Variants in DENND1B observed in about 807,000 individuals in gnomAD.
The protein encoded by DENND1B is DENN domain-containing protein 1B.
A neutral mutation model predicts 90.1 loss-of-function variants in DENND1B; 59 were observed. The ratio of observed to expected loss-of-function variants is 0.65; its 90% CI spans 0.53 to 0.81. The LOEUF (loss-of-function observed/expected upper bound fraction) is 0.81. Ranked by LOEUF, DENND1B falls within the 40% of genes least tolerant of loss-of-function variation. The pLI is 0.00. For synonymous variants in DENND1B, 337 were observed against 324.6 expected (o/e 1.04, Z -0.41); for missense variants, 862 against 912.6 (o/e 0.94, Z 0.71).
intron 5 of DENND1B, among the ~76,000 whole-genome samples, chr1:197,669,473 T>C (rs1454327046): frequency 1.3e-5 from 2 of 152,158 alleles, no homozygotes; most frequent in African/African-American, 4.8e-5. Flanking sequence ...TCTATAATTT[T>C]CCAATTTTCT....
chr1:197,688,606 G>C (rs1430733293), intron 3 of DENND1B, among the ~76,000 whole-genome samples: 7 of 152,040 alleles, frequency 4.6e-5, no homozygotes, highest in African/African-American at 1.7e-4. Context: ...GGGAAAACTG[G>C]ATGTCTACAT....
Position 197,652,262 on chromosome 1 carries a change from C to T in DENND1B, c.420G>A (p.Lys140=). The change falls in exon 7 of 23, where the codon AAG becomes AAA. Residue 140 remains lysine, a synonymous_variant. Coordinates refer to ENST00000620048, the MANE Select transcript of DENND1B (RefSeq NM_001195215.2). The part of the protein sequence containing the change: ...LRSLYNHPVP[K]ANTPVNLSVN... ...CACTCAAATTTACAGGAGTATTTGC[C>T]TTTGGTACTGGGTGGTTATACAGTG... 6.2e-7 allele frequency: 1 copy of T among 1,611,226 alleles called. No individual in the cohort carries two copies. The highest frequency in any genetic ancestry group is 8.5e-7 in the Non-Finnish European group (1 of 1,179,008).
At chr1:197,675,995 C>A (rs1228789883) in intron 3 of DENND1B, among the ~76,000 whole-genome samples, 1 of 146,574 alleles carries the variant, frequency 6.8e-6, no homozygotes, top group East Asian at 2.0e-4. Flanking sequence ...GCAGAAGCAT[C>A]CCTCAGGGGA....
intron 2 of DENND1B, among the ~76,000 whole-genome samples, chr1:197,770,629 TA>T (rs1193153931): frequency 3.0e-5 from 3 of 101,256 alleles, no homozygotes; most frequent in Non-Finnish European, 5.6e-5. Flanking sequence ...TAAATATATA[TA>T]AAAATATATA....
chr1:197,685,391 C>T (rs1657130641), intron 3 of DENND1B, among the ~76,000 whole-genome samples: 1 of 152,212 alleles, frequency 6.6e-6, no homozygotes, highest in Admixed American at 6.5e-5. Flanking sequence ...GTTATACTTT[C>T]AGCAATTTTA....
Position 197,512,890 on chromosome 1 carries a change from C to A in DENND1B, c.1579G>T (p.Asp527Tyr). The change falls in exon 21 of 23, where the codon GAC (aspartate) becomes TAC (tyrosine). Residue 527 changes from aspartate to tyrosine, a missense_variant. By Grantham distance (160) the Asp-to-Tyr change is radical (BLOSUM62 -3). Coordinates refer to ENST00000620048, the MANE Select transcript of DENND1B (RefSeq NM_001195215.2). ...GALYDDEDDD[D>Y]IERASKLSSE... ...ACTTACTTGCTTGCTCTTTCAATGT[C>A]ATCATCATCTTCATCATCATATAGA... is the stretch of plus-strand genomic sequence containing the variant. 1.9e-6 allele frequency: 3 copies of A among 1,610,614 alleles called. No individual in the cohort carries two copies. The highest frequency in any genetic ancestry group is 2.5e-6 in the Non-Finnish European group (3 of 1,177,980).
intron 7 of DENND1B, among the ~76,000 whole-genome samples, chr1:197,651,553 C>T (rs1452364419): frequency 6.8e-6 from 1 of 148,112 alleles, no homozygotes; most frequent in African/African-American, 2.5e-5. Flanking sequence ...ATTTTCTATT[C>T]TTACTAAGTA....
chr1:197,563,478 A>G (rs1371361584), intron 15 of DENND1B, among the ~76,000 whole-genome samples: 1 of 151,974 alleles, frequency 6.6e-6, no homozygotes, highest in Non-Finnish European at 1.5e-5. Context: ...TGCTTACACC[A>G]TGTTTTACTG....
intron 10 of DENND1B, among the ~76,000 whole-genome samples, chr1:197,624,599 A>G (rs1678480748): frequency 6.6e-6 from 1 of 151,766 alleles, no homozygotes; most frequent in Non-Finnish European, 1.5e-5. Flanking sequence ...AAACTCTAAA[A>G]AGCAGAGCGC....
intron 3 of DENND1B, chr1:197,690,130 C>A: frequency 3.9e-6 from 1 of 259,690 alleles, no homozygotes; most frequent in South Asian, 5.9e-5. Context: ...GAAGTAGAGT[C>A]TGTTGAAATG....
intron 13 of DENND1B, among the ~76,000 whole-genome samples, chr1:197,597,222 CTAAATTAA>C (rs1210145672): frequency 5.9e-5 from 9 of 151,668 alleles, no homozygotes; most frequent in African/African-American, 2.2e-4. Flanking sequence ...AAAAATAAAT[CTAAATTAA>C]TGTCCTTTAT....
intron 10 of DENND1B, among the ~76,000 whole-genome samples, chr1:197,621,056 G>A (rs1427674676): frequency 1.3e-5 from 2 of 151,194 alleles, no homozygotes; most frequent in East Asian, 2.0e-4. Context: ...TCCCAGGTGA[G>A]AACATGCTTG....
At chr1:197,516,459 T>G (rs1668404926) in intron 20 of DENND1B, among the ~76,000 whole-genome samples, 2 of 151,804 alleles carry the variant, frequency 1.3e-5, no homozygotes, top group Non-Finnish European at 2.9e-5. Flanking sequence ...AATCATAATG[T>G]AATCGACATT....
At chr1:197,769,266 C>A (rs1483636590) in intron 2 of DENND1B, among the ~76,000 whole-genome samples, 3 of 152,126 alleles carry the variant, frequency 2.0e-5, no homozygotes, top group African/African-American at 7.2e-5. Flanking sequence ...ATAAATCAAT[C>A]ACAATAGTCT....
intron 12 of DENND1B, among the ~76,000 whole-genome samples, 179 bp downstream of exon 12, chr1:197,611,752 T>C (rs992620194): frequency 2.0e-5 from 3 of 150,816 alleles, no homozygotes; most frequent in Non-Finnish European, 4.5e-5. Context: ...GGTCATTTAG[T>C]ATGTTAATTT....
chr1:197,607,115 T>C lies in DENND1B; in HGVS notation c.879A>G (p.Leu293=), dbSNP rs1418257221. ...TGTTCAAGTCACTAAATGGTGATTC[T>C]AATGTGTTTGTATCAACATTTAACA... ...VVMLNVDTNT[L]ESPFSDLNNL... is the part of the protein sequence containing the mutation. Residue 293 remains leucine (L), a synonymous_variant, in exon 13 of 23, where the codon TTA becomes TTG. Coordinates refer to ENST00000620048, the MANE Select transcript of DENND1B (RefSeq NM_001195215.2). 2 of 1,606,066 alleles carry C rather than the reference T, an allele frequency of 1.2e-6. No homozygotes were observed. The highest frequency in any genetic ancestry group is 1.7e-6 in the Non-Finnish European group (2 of 1,175,282).
chr1:197,599,451 C>T (rs998704228), intron 13 of DENND1B, among the ~76,000 whole-genome samples: 7 of 151,722 alleles, frequency 4.6e-5, no homozygotes, highest in Non-Finnish European at 1.0e-4. Context: ...TCTACACAAC[C>T]TAAAACACTC....
At chr1:197,543,591 A>G (rs1241123332) in intron 18 of DENND1B, among the ~76,000 whole-genome samples, 1 of 152,200 alleles carries the variant, frequency 6.6e-6, no homozygotes, top group African/African-American at 2.4e-5. Flanking sequence ...ATTGTAAAAA[A>G]AAATCTCTTC....
At chr1:197,684,256 GA>G (rs998352380) in intron 3 of DENND1B, among the ~76,000 whole-genome samples, 1 of 151,862 alleles carries the variant, frequency 6.6e-6, no homozygotes, top group Non-Finnish European at 1.5e-5. Flanking sequence ...TTTTATGTGT[GA>G]AAAAAAATTA....
Sources: gnomAD v4.1 joint callset for allele counts (sites outside exome capture counted in the v4.1 genomes callset) on GRCh38, gnomAD v4.1.1 for gene constraint, MANE v1.5 for transcripts, NCBI Gene and HGNC (gene_info 2026-07-23, HGNC 2026-07-21) for gene names.